Variants in EBF3 observed in about 807,000 individuals in gnomAD.
The protein encoded by EBF3 is EBF transcription factor 3, also known as transcription factor COE3.
Under a neutral mutation model 77.1 loss-of-function variants are expected in EBF3, and 18 were observed. The observed-to-expected ratio is 0.23, with a 90% CI of 0.16 to 0.35. EBF3 has a LOEUF of 0.35. Ranked by LOEUF, EBF3 falls within the 10% of genes least tolerant of loss-of-function variation. EBF3 has a pLI of 1.00. For synonymous variants in EBF3, 350 were observed against 343.5 expected (o/e 1.02, Z -0.21); for missense variants, 558 against 860.0 (o/e 0.65, Z 4.39).
Position 129,897,650 on chromosome 10 carries a change from G to A in EBF3, c.555-19801C>T, listed in dbSNP as rs1453778332. ...GAGCCTGCCCACTGTGCCTGCCTCA[G>A]AGCCCTGACGGACAGCTGACATTCT... On this transcript the variant is annotated intron_variant, in intron 6 of 16. Coordinates refer to ENST00000440978, the MANE Select transcript of EBF3 (RefSeq NM_001375380.1). The surrounding 1 kb of genome is among the most constrained non-coding windows in gnomAD (Gnocchi z 4.6). Among the ~76,000 whole-genome samples the A allele has an allele frequency of 6.6e-6, 1 of 152,210 alleles. No homozygotes were observed. The highest frequency in any genetic ancestry group is 1.5e-5 in the Non-Finnish European group (1 of 68,048).
intron 10 of EBF3, among the ~76,000 whole-genome samples, chr10:129,852,917 G>A (rs894274653): frequency 6.6e-6 from 1 of 152,214 alleles, no homozygotes; most frequent in African/African-American, 2.4e-5. Context: ...CAGCAGCCGA[G>A]AGCAGAGGGA....
chr10:129,919,976 GGCGA>G (rs1856158800), intron 6 of EBF3, among the ~76,000 whole-genome samples: 1 of 148,428 alleles, frequency 6.7e-6, no homozygotes, highest in Non-Finnish European at 1.5e-5. Flanking sequence ...TGCAGTCTAG[GGCGA>G]GTATCTCCAG....
rs924948013 is a variant in EBF3 at position 129,885,652 on chromosome 10, G to C, written c.555-7803C>G. On this transcript the variant is annotated intron_variant, in intron 6 of 16. Coordinates refer to ENST00000440978, the MANE Select transcript of EBF3 (RefSeq NM_001375380.1). The surrounding 1 kb of genome is among the most constrained non-coding windows in gnomAD (Gnocchi z 4.0). ...TGACATTATTTCCCCAGCAGATCAC[G>C]CGCCCTGTCAATCAGTCTGTATTTT... 6.6e-6 allele frequency among the ~76,000 whole-genome samples: 1 copy of C among 151,978 alleles called. No individual in the cohort carries two copies. Among genetic ancestry groups the C allele is most frequent in the Admixed American group, 6.6e-5 (1 of 15,250 alleles).
rs1052638108 is a variant in EBF3, at chr10:129,864,331, C to T, written c.1039+2810G>A. ...CTCCGCCACACCATGTGATACCTGC[C>T]AGCCAGTGACAGGCAGCTCCTCCCA... On this transcript the variant is annotated intron_variant, in intron 10 of 16. Transcript: ENST00000440978. The surrounding 1 kb of genome is among the most constrained non-coding windows in gnomAD (Gnocchi z 4.4). Among the ~76,000 whole-genome samples the T allele has an allele frequency of 1.3e-5, 2 of 152,162 alleles. No individual in the cohort carries two copies. The highest frequency in any genetic ancestry group is 2.9e-5 in the Non-Finnish European group (2 of 68,026).
At chr10:129,931,813 C>T (rs967171703) in intron 6 of EBF3, among the ~76,000 whole-genome samples, 1 of 152,228 alleles carries the variant, frequency 6.6e-6, no homozygotes, top group Non-Finnish European at 1.5e-5. Flanking sequence ...ACCCTGTGTC[C>T]TATTCTTCCC....
intron 6 of EBF3, among the ~76,000 whole-genome samples, chr10:129,922,790 C>A (rs1856401614): frequency 6.6e-6 from 1 of 152,224 alleles, no homozygotes; most frequent in Admixed American, 6.5e-5. Flanking sequence ...CCAGAGCTGC[C>A]CACATCTTAC....
At chr10:129,899,381 A>T (rs1470261182) in intron 6 of EBF3, among the ~76,000 whole-genome samples, 2 of 152,206 alleles carry the variant, frequency 1.3e-5, no homozygotes, top group African/African-American at 4.8e-5. Flanking sequence ...GAGGAACATA[A>T]GGAAGTTGTT....
intron 6 of EBF3, among the ~76,000 whole-genome samples, chr10:129,878,724 T>TG (rs1343269997): frequency 1.1e-5 from 1 of 90,518 alleles, no homozygotes; most frequent in East Asian, 3.3e-4. Context: ...AATTGGGGGG[T>TG]GGGGCAGGAG....
rs572067103 is a variant in EBF3, at chr10:129,938,571, G to A, written c.554+18687C>T. 3.1e-4 allele frequency among the ~76,000 whole-genome samples: 47 copies of A among 152,068 alleles called. No individual in the cohort carries two copies. The highest frequency in any genetic ancestry group is 9.9e-4 in the African/African-American group (41 of 41,496). On this transcript the variant is annotated intron_variant, in intron 6 of 16. Coordinates refer to ENST00000440978, the MANE Select transcript of EBF3 (RefSeq NM_001375380.1). The surrounding 1 kb of genome is among the most constrained non-coding windows in gnomAD (Gnocchi z 5.1). ...TGTCTCGAAAATAAAATAAATAAAA[G>A]TAAAAAAATAGAAGTTCATGAGGGA...
intron 6 of EBF3, among the ~76,000 whole-genome samples, chr10:129,892,687 C>T (rs1854103654): frequency 6.6e-6 from 1 of 152,236 alleles, no homozygotes. Context: ...ACATTCATCA[C>T]TTAATGACTT....
At chr10:129,905,678 C>T (rs921292958) in intron 6 of EBF3, among the ~76,000 whole-genome samples, 1 of 152,138 alleles carries the variant, frequency 6.6e-6, no homozygotes, top group East Asian at 1.9e-4. Context: ...GGAGGCCACA[C>T]AGCTCAGCGA....
chr10:129,874,916 A>G lies in EBF3; in HGVS notation c.637-1320T>C, dbSNP rs992277110. ...TCCCCTGCACCAGCATAATCGGGGAAACCAGGGGGAGGGGCGCACGGGGGT... is the reference window on the plus strand; with the variant it reads ...TCCCCTGCACCAGCATAATCGGGGAGACCAGGGGGAGGGGCGCACGGGGGT... On this transcript the variant is annotated intron_variant, in intron 7 of 16. Transcript: ENST00000440978. Among the ~76,000 whole-genome samples the G allele has an allele frequency of 2.0e-5, 3 of 152,264 alleles. 1 individual carries two copies. Among genetic ancestry groups the G allele is most frequent in the Non-Finnish European group, 4.4e-5 (3 of 68,014 alleles).
chr10:129,960,296 T>C (rs546121005), intron 4 of EBF3, among the ~76,000 whole-genome samples: 1 of 152,062 alleles, frequency 6.6e-6, no homozygotes, highest in Non-Finnish European at 1.5e-5. Context: ...TTCCTCTACT[T>C]CCAGGCGGAC....
In EBF3 at chr10:129,842,818, T is replaced by TG. The variant is rs1200901393; in HGVS notation, c.1194+318dup. ...TTGCTGTGTTCTGTCCTGCATGCTG[T>TG]GGGGCGCCCATCCAGCCCTCCCTGG... is the stretch of plus-strand genomic sequence containing the variant. On this transcript the variant is annotated intron_variant, in intron 12 of 16. Coordinates refer to ENST00000440978, the MANE Select transcript of EBF3 (RefSeq NM_001375380.1). This position sits in a 1 kb window ranked among gnomAD's most constrained non-coding sequence, Gnocchi z 4.4. Among the ~76,000 whole-genome samples the TG allele has an allele frequency of 2.7e-5, 4 of 149,892 alleles. No individual in the cohort carries two copies. The highest frequency in any genetic ancestry group is 2.0e-4 in the Admixed American group (3 of 15,076).
At chr10:129,875,922 T>G (rs999445291) in intron 7 of EBF3, among the ~76,000 whole-genome samples, 2 of 152,262 alleles carry the variant, frequency 1.3e-5, no homozygotes, top group African/African-American at 4.8e-5. Flanking sequence ...TACAAATGCA[T>G]TATCTGAATA....
rs149862226 is a variant in EBF3, at chr10:129,842,238, C to T, written c.1250G>A (p.Arg417His). ...CAGGGTGGGGATCTGGTTGTGATTG[C>T]GGGGAACGCTGTACAGCGCCTCGGC... is the stretch of plus-strand genomic sequence containing the variant. ...DIAEALYSVPRNHNQIPTLGN... is the reference protein window; with the variant it reads ...DIAEALYSVPHNHNQIPTLGN... Residue 417 changes from arginine (R) to histidine (H), a missense_variant, in exon 13 of 17, where the codon CGC becomes CAC. Physicochemically the swap from Arg to His is conservative, Grantham distance 29. Coordinates refer to ENST00000440978, the MANE Select transcript of EBF3 (RefSeq NM_001375380.1). This position sits in a 1 kb window ranked among gnomAD's most constrained non-coding sequence, Gnocchi z 4.4. 1.4e-5 allele frequency: 23 copies of T among 1,613,738 alleles called. No individual in the cohort carries two copies. The highest frequency in any genetic ancestry group is 1.9e-5 in the Non-Finnish European group (22 of 1,179,844).
chr10:129,954,725 A>G (rs570511582), intron 6 of EBF3, among the ~76,000 whole-genome samples: 37 of 152,282 alleles, frequency 2.4e-4, no homozygotes, highest in Admixed American at 5.2e-4. Flanking sequence ...TGCTAAATGT[A>G]TCCAAAGGCC....
Position 129,877,851 on chromosome 10 carries a change from T to A in EBF3, c.555-2A>T. 1 of 1,606,138 alleles carries A rather than the reference T, an allele frequency of 6.2e-7. No individual in the cohort carries two copies. ...TTGAGGAAAAACTTTAGAAAGAATC[T>A]ATAAAAAATACAAAAAGATGATATT... On this transcript the variant is annotated splice_acceptor_variant, in intron 6 of 16. Transcript: ENST00000440978. LOFTEE classifies it high-confidence loss of function.
chr10:129,902,273 TTC>T (rs1213308914), intron 6 of EBF3, among the ~76,000 whole-genome samples: 3 of 151,500 alleles, frequency 2.0e-5, no homozygotes, highest in Non-Finnish European at 2.9e-5. Context: ...CTCATCTACT[TTC>T]TCCAGCTTTG....
Sources: gnomAD v4.1 joint callset for allele counts (sites outside exome capture counted in the v4.1 genomes callset) on GRCh38, gnomAD v4.1.1 for gene constraint, Gnocchi (gnomAD v3.1) non-coding constraint, MANE v1.5 for transcripts, NCBI Gene and HGNC (gene_info 2026-07-23, HGNC 2026-07-21) for gene names.